Variants in ULK4 observed in about 807,000 individuals in gnomAD.
The protein encoded by ULK4 is inactive serine/threonine-protein kinase ULK4.
In ULK4, 133 loss-of-function variants were observed where a neutral mutation model predicts 160.6. The ratio of observed to expected loss-of-function variants is 0.83; its 90% CI spans 0.72 to 0.96. ULK4 has a LOEUF of 0.96. Among genes scored for constraint, ULK4 ranks in the 40% least tolerant of loss-of-function variants. The pLI, the probability that ULK4 is intolerant of heterozygous loss-of-function variation, is 0.00. For synonymous variants in ULK4, 534 were observed against 539.8 expected (o/e 0.99, Z 0.15); for missense variants, 1,580 against 1,499.5 (o/e 1.05, Z -0.89).
At chr3:41,582,679 G>C (rs115253363) in intron 31 of ULK4, among the ~76,000 whole-genome samples, 32 of 152,316 alleles carry the variant, frequency 2.1e-4, no homozygotes, top group South Asian at 1.0e-3. Flanking sequence ...TACCTCTCTG[G>C]TTGGAAAGGC....
At chr3:41,756,292 T>A (rs1373257407) in intron 21 of ULK4, among the ~76,000 whole-genome samples, 4 of 152,198 alleles carry the variant, frequency 2.6e-5, no homozygotes, top group Non-Finnish European at 5.9e-5. Flanking sequence ...ATCGGCTTTA[T>A]CTAATTTTCC....
chr3:41,930,718 G>A (rs182916348), intron 5 of ULK4, among the ~76,000 whole-genome samples: 13 of 152,106 alleles, frequency 8.5e-5, no homozygotes, highest in Admixed American at 5.2e-4. Context: ...ACATTTATGC[G>A]GCCAACAAAC....
chr3:41,798,598 C>T (rs1002823387), intron 20 of ULK4, among the ~76,000 whole-genome samples: 2 of 152,110 alleles, frequency 1.3e-5, no homozygotes, highest in African/African-American at 4.8e-5. Flanking sequence ...GTAACCTAAG[C>T]AAGATTAGCT....
chr3:41,721,362 A>ATATATATATATATAT (rs1553639902), intron 22 of ULK4, among the ~76,000 whole-genome samples: 8 of 27,960 alleles, frequency 2.9e-4, no homozygotes, highest in African/African-American at 1.5e-3. Flanking sequence ...ATATATATAT[A>ATATATATATATATAT]TTTTTTTTTT....
chr3:41,780,222 A>C (rs961925877), intron 21 of ULK4, among the ~76,000 whole-genome samples: 1 of 151,976 alleles, frequency 6.6e-6, no homozygotes, highest in African/African-American at 2.4e-5. Flanking sequence ...GTGGAAAGAC[A>C]GCTTGAGCCC....
At chr3:41,856,565 A>ATATATATATATG (rs1491554186) in intron 17 of ULK4, among the ~76,000 whole-genome samples, 1 of 13,766 alleles carries the variant, frequency 7.3e-5, no homozygotes, top group African/African-American at 2.1e-4. Flanking sequence ...ATATATACAC[A>ATATATATATATG]TATATATATG....
chr3:41,893,595 GATTT>G (rs2148783574), intron 16 of ULK4, among the ~76,000 whole-genome samples: 1 of 151,864 alleles, frequency 6.6e-6, no homozygotes, highest in East Asian at 1.9e-4. Flanking sequence ...CAGGCACAAA[GATTT>G]ATTCTCAAAA....
chr3:41,394,384 G>A (rs2082013278), intron 35 of ULK4, among the ~76,000 whole-genome samples: 1 of 151,982 alleles, frequency 6.6e-6, no homozygotes. Flanking sequence ...GTACAGATGG[G>A]GTTACTTCCC....
At chr3:41,566,629 T>C (rs1410845631) in intron 31 of ULK4, among the ~76,000 whole-genome samples, 1 of 152,220 alleles carries the variant, frequency 6.6e-6, no homozygotes, top group Non-Finnish European at 1.5e-5. Flanking sequence ...AATTTTGCTT[T>C]CCTCAACACT....
At chr3:41,705,332 T>TA (rs1559497498) in intron 25 of ULK4, 27 bp from the exon 26 acceptor site, 2 of 1,558,750 alleles carry the variant, frequency 1.3e-6, no homozygotes, top group Non-Finnish European at 1.7e-6. Flanking sequence ...TTTTAATAAA[T>TA]AGAGTTTCAA....
At chr3:41,829,072 C>G (rs1374947662) in intron 18 of ULK4, among the ~76,000 whole-genome samples, 1 of 151,172 alleles carries the variant, frequency 6.6e-6, no homozygotes, top group African/African-American at 2.4e-5. Context: ...ATAAATGGTG[C>G]TGGGAAAACT....
At chr3:41,897,449 C>A (rs1698200388) in intron 14 of ULK4, among the ~76,000 whole-genome samples, 1 of 152,088 alleles carries the variant, frequency 6.6e-6, no homozygotes. Context: ...CTAAAAATCA[C>A]CTGAAATTCC....
At chr3:41,480,194 G>A (rs543866787) in intron 32 of ULK4, among the ~76,000 whole-genome samples, 322 of 128,118 alleles carry the variant, frequency 2.5e-3, no homozygotes, top group South Asian at 0.019. Context: ...GTGACAGAGC[G>A]AGACTCCGTA....
intron 31 of ULK4, among the ~76,000 whole-genome samples, chr3:41,587,612 T>C (rs920726935): frequency 2.0e-5 from 3 of 152,176 alleles, no homozygotes; most frequent in Non-Finnish European, 2.9e-5. Flanking sequence ...TTCCCTCAAT[T>C]CCCAGTAGCC....
intron 19 of ULK4, among the ~76,000 whole-genome samples, chr3:41,817,761 C>G (rs1252163231): frequency 6.6e-6 from 1 of 152,014 alleles, no homozygotes; most frequent in African/African-American, 2.4e-5. Flanking sequence ...CCCCCTAAAT[C>G]TAAAATAAAA....
chr3:41,402,144 G>T (rs181709450), intron 34 of ULK4, among the ~76,000 whole-genome samples: 2 of 152,244 alleles, frequency 1.3e-5, no homozygotes, highest in Admixed American at 1.3e-4. Flanking sequence ...AGGTATAACT[G>T]ATATACAAAA....
chr3:41,317,791 T>C (rs1296382802), intron 35 of ULK4, among the ~76,000 whole-genome samples: 1 of 152,232 alleles, frequency 6.6e-6, no homozygotes, highest in Non-Finnish European at 1.5e-5. Flanking sequence ...ATTTATCCTG[T>C]AGCCCAGTGC....
chr3:41,886,826 G>A (rs1466646791), intron 16 of ULK4, among the ~76,000 whole-genome samples: 4 of 152,134 alleles, frequency 2.6e-5, no homozygotes, highest in Middle Eastern at 3.4e-3. Context: ...CACCCACCTC[G>A]GCCTCCCAAA....
chr3:41,547,742 T>G (rs768338347), intron 32 of ULK4, among the ~76,000 whole-genome samples: 3 of 152,120 alleles, frequency 2.0e-5, no homozygotes, highest in Non-Finnish European at 2.9e-5. Flanking sequence ...GTCCCTGGAG[T>G]CCTGCTGACA....
Sources: allele counts gnomAD v4.1 joint callset (sites outside exome capture counted in the v4.1 genomes callset), GRCh38; gene constraint gnomAD v4.1.1; transcripts MANE v1.5; gene names NCBI Gene and HGNC (gene_info 2026-07-23, HGNC 2026-07-21).